Variants in ARHGEF28 observed in about 807,000 individuals in gnomAD.
ARHGEF28 encodes Rho guanine nucleotide exchange factor 28, also known as 190 kDa guanine nucleotide exchange factor.
ARHGEF28 carries 152 observed loss-of-function variants against 206.6 expected under a neutral mutation model. That is an observed-to-expected ratio of 0.74 (90% confidence interval 0.64 to 0.84). The LOEUF (loss-of-function observed/expected upper bound fraction) is 0.84. ARHGEF28 is among the 40% of genes least tolerant of loss of function. ARHGEF28 has a pLI of 0.00. For synonymous variants in ARHGEF28, 763 were observed against 776.4 expected (o/e 0.98, Z 0.29); for missense variants, 2,028 against 2,073.2 (o/e 0.98, Z 0.42).
At chr5:73,644,141 G>T (rs1744290331) in intron 1 of ARHGEF28, among the ~76,000 whole-genome samples, 1 of 85,058 alleles carries the variant, frequency 1.2e-5, no homozygotes, top group Admixed American at 1.2e-4. Context: ...CAGTTAGTGA[G>T]AGTCTGTCTT....
At position 73,657,826 on chromosome 5, in the gene ARHGEF28, G is replaced by C. The variant is rs200613226; in HGVS notation, c.-11-27015G>C. ...TTTGAATAAAGACATGGCCCTTTGG[G>C]GGTACTGCCTTATTTAGTTCTAACT... On this transcript the variant is annotated intron_variant, in intron 1 of 35. Transcript: ENST00000513042. Among the ~76,000 whole-genome samples, 40 of 152,218 alleles carry C rather than the reference G, an allele frequency of 2.6e-4. No individual in the cohort carries two copies. In the East Asian group the frequency reaches 5.2e-3, roughly 20 times the overall value.
intron 35 of ARHGEF28, among the ~76,000 whole-genome samples, chr5:73,912,441 T>G (rs1190633566): frequency 6.6e-6 from 1 of 152,182 alleles, no homozygotes; most frequent in Non-Finnish European, 1.5e-5. Context: ...TATTCTTAGT[T>G]TGTCAGTTGG....
intron 16 of ARHGEF28, among the ~76,000 whole-genome samples, chr5:73,862,109 G>A (rs72772544): frequency 0.037 from 5,579 of 152,102 alleles, 171 homozygotes; most frequent in Non-Finnish European, 0.052. Flanking sequence ...TAAAGCCTGA[G>A]TTGCTAATTT....
chr5:73,925,261 T>C (rs1763734620), intron 35 of ARHGEF28, among the ~76,000 whole-genome samples: 4 of 152,146 alleles, frequency 2.6e-5, no homozygotes. Context: ...CTCATGCTGT[T>C]CTCTCCTTTC....
intron 11 of ARHGEF28, among the ~76,000 whole-genome samples, chr5:73,845,345 A>G (rs1758269819): frequency 6.6e-6 from 1 of 152,150 alleles, no homozygotes; most frequent in East Asian, 1.9e-4. Context: ...ACCTCTAAAA[A>G]TGATCATTTA....
Position 73,691,926 on chromosome 5 carries a change from A to G in ARHGEF28, c.33+7042A>G, listed in dbSNP as rs1384873749. ...TTTCATCTCTATGGGATAGATTCCT[A>G]GGAGTAGAATTGCTGGATGAAGGGC... On this transcript the variant is annotated intron_variant, in intron 2 of 35. Transcript: ENST00000513042. Among the ~76,000 whole-genome samples the G allele has an allele frequency of 2.0e-5, 3 of 152,206 alleles. No homozygotes were observed. The East Asian group carries it at 5.8e-4, about 29-fold the overall frequency.
At chr5:73,846,856 G>A (rs1758399427) in intron 12 of ARHGEF28, among the ~76,000 whole-genome samples, 1 of 152,090 alleles carries the variant, frequency 6.6e-6, no homozygotes, top group Non-Finnish European at 1.5e-5. Context: ...TAATTGTATG[G>A]CCCTGATGAT....
At chr5:73,802,916 GTGTGT>G (rs1381626405) in intron 9 of ARHGEF28, among the ~76,000 whole-genome samples, 1 of 149,580 alleles carries the variant, frequency 6.7e-6, no homozygotes, top group Non-Finnish European at 1.5e-5. Context: ...GTGTGTGTGT[GTGTGT>G]TGGTAGGCTT....
At chr5:73,810,971 G>A (rs1052787514) in intron 9 of ARHGEF28, among the ~76,000 whole-genome samples, 12 of 152,264 alleles carry the variant, frequency 7.9e-5, no homozygotes, top group African/African-American at 2.9e-4. Context: ...TATACCTTTA[G>A]TTAAGGGGAT....
At chr5:73,789,048 A>G (rs1425044034) in intron 7 of ARHGEF28, among the ~76,000 whole-genome samples, 1 of 152,206 alleles carries the variant, frequency 6.6e-6, no homozygotes, top group Non-Finnish European at 1.5e-5. Flanking sequence ...ATGTATCTAC[A>G]CAAAAACTTT....
At chr5:73,799,031 A>G (rs1270236125) in intron 9 of ARHGEF28, among the ~76,000 whole-genome samples, 1 of 152,210 alleles carries the variant, frequency 6.6e-6, no homozygotes, top group Non-Finnish European at 1.5e-5. Flanking sequence ...GGTTGCAGTG[A>G]GCCAAGATCG....
chr5:73,894,400 CACTA>C lies in ARHGEF28; in HGVS notation c.3669_3672del (p.Asn1224LysfsTer22). ...GTAAATACTATTTCATAGAAATACT[CACTA>C]ACCAAGACCAACAAATTTGTGCGTA... is the stretch of plus-strand genomic sequence containing the variant. On this transcript the variant is annotated frameshift_variant, in exon 29 of 36. Transcript: ENST00000513042. LOFTEE classifies it high-confidence loss of function. 6.2e-7 allele frequency: 1 copy of C among 1,608,632 alleles called. No individual in the cohort carries two copies. The highest frequency in any genetic ancestry group is 8.5e-7 in the Non-Finnish European group (1 of 1,176,840).
intron 12 of ARHGEF28, among the ~76,000 whole-genome samples, chr5:73,847,873 C>T (rs554520385): frequency 1.4e-4 from 21 of 152,270 alleles, no homozygotes; most frequent in African/African-American, 3.4e-4. Context: ...CGTCTAGGCC[C>T]GGTAGGTGCT....
rs552502027 is a variant in ARHGEF28 at position 73,704,125 on chromosome 5, A to C, written c.33+19241A>C. On this transcript the variant is annotated intron_variant, in intron 2 of 35. Coordinates refer to ENST00000513042, the MANE Select transcript of ARHGEF28 (RefSeq NM_001177693.2). Reference sequence around the variant, plus strand: ...TAGGACATTTCCTGCTTTGACTAAGACAAGTTGCTGGGAGGTCTATGCTTC... The same window carrying C: ...TAGGACATTTCCTGCTTTGACTAAGCCAAGTTGCTGGGAGGTCTATGCTTC... Among the ~76,000 whole-genome samples, 4 of 152,218 alleles carry C rather than the reference A, an allele frequency of 2.6e-5. No individual in the cohort carries two copies. In the South Asian group the frequency reaches 8.3e-4, roughly 32 times the overall value.
intron 9 of ARHGEF28, among the ~76,000 whole-genome samples, chr5:73,819,609 A>G (rs1477854729): frequency 6.6e-6 from 1 of 152,188 alleles, no homozygotes; most frequent in Non-Finnish European, 1.5e-5. Context: ...ACCAGCCTGT[A>G]GTAGGAGGAA....
intron 2 of ARHGEF28, among the ~76,000 whole-genome samples, chr5:73,748,594 C>G (rs1188425884): frequency 6.6e-6 from 1 of 152,160 alleles, no homozygotes; most frequent in Non-Finnish European, 1.5e-5. Flanking sequence ...GTTAAGGAGT[C>G]TGTGTAGGCT....
chr5:73,724,524 C>T (rs1484337596), intron 2 of ARHGEF28, among the ~76,000 whole-genome samples: 1 of 152,078 alleles, frequency 6.6e-6, no homozygotes, highest in Non-Finnish European at 1.5e-5. Context: ...TTAACATCAC[C>T]CCAAAATTCC....
chr5:73,800,520 T>C (rs576364276), intron 9 of ARHGEF28, among the ~76,000 whole-genome samples: 2 of 152,184 alleles, frequency 1.3e-5, no homozygotes, highest in East Asian at 1.9e-4. Context: ...GTTACTAATA[T>C]GTAAGATGAG....
Position 73,870,105 on chromosome 5 carries a change from G to C in ARHGEF28, c.2462G>C (p.Ser821Thr), listed in dbSNP as rs1759999224. 4.3e-6 allele frequency: 7 copies of C among 1,613,952 alleles called. No individual in the cohort carries two copies. Among genetic ancestry groups the C allele is most frequent in the Non-Finnish European group, 5.9e-6 (7 of 1,179,878 alleles). ...TCTTCTCTGTGGAGTGACCTCAGCA[G>C]TGATGCCCAGGAGTTTGAAGCAGAA... ...VDSSLWSDLS[S>T]DAQEFEAESW... is the part of the protein sequence containing the mutation. The change falls in exon 21 of 36, where the codon AGT becomes ACT. Residue 821 changes from serine (S) to threonine (T), a missense_variant. Around this residue, in one of 3 missense-constraint regions of ARHGEF28, gnomAD observed 1,002 missense variants for 1,015.3 expected, o/e 0.99. Coordinates refer to ENST00000513042, the MANE Select transcript of ARHGEF28 (RefSeq NM_001177693.2).
Sources: gnomAD v4.1 joint callset for allele counts (sites outside exome capture counted in the v4.1 genomes callset) on GRCh38, gnomAD v4.1.1 for gene constraint, gnomAD v4.1.1 regional missense constraint, MANE v1.5 for transcripts, NCBI Gene and HGNC (gene_info 2026-07-23, HGNC 2026-07-21) for gene names.